ARHGAP26: variants seen among roughly 807,000 people sequenced by gnomAD.
The protein encoded by ARHGAP26 is rho GTPase-activating protein 26.
A neutral mutation model predicts 104.8 loss-of-function variants in ARHGAP26; 38 were observed. That is an observed-to-expected ratio of 0.36 (90% CI 0.28 to 0.48). The LOEUF (loss-of-function observed/expected upper bound fraction) is 0.48, where lower values mean the gene tolerates loss of function less well. ARHGAP26 is among the 20% of genes least tolerant of loss of function. ARHGAP26 has a pLI of 0.99. For missense variants in ARHGAP26, 704 were observed against 947.9 expected (o/e 0.74, Z 3.38); for synonymous variants, 341 against 340.0 (o/e 1.00, Z -0.03).
chr5:142,778,801 C>T (rs1486222061), intron 1 of ARHGAP26, among the ~76,000 whole-genome samples: 1 of 152,168 alleles, frequency 6.6e-6, no homozygotes, highest in African/African-American at 2.4e-5. Context: ...TCCTTTGCAT[C>T]CTTGTAGCCG....
chr5:143,124,600 TC>T (rs1307590605), intron 18 of ARHGAP26, among the ~76,000 whole-genome samples: 2 of 152,162 alleles, frequency 1.3e-5, no homozygotes, highest in Non-Finnish European at 2.9e-5. Flanking sequence ...CCAGGTGCTG[TC>T]CCATCATTCA....
intron 20 of ARHGAP26, among the ~76,000 whole-genome samples, chr5:143,167,542 A>G (rs1449249705): frequency 6.8e-6 from 1 of 147,840 alleles, no homozygotes; most frequent in Non-Finnish European, 1.5e-5. Context: ...TGTAATAAGA[A>G]TAGGGGCGCT....
At chr5:143,080,862 G>A (rs1055664777) in intron 17 of ARHGAP26, among the ~76,000 whole-genome samples, 1 of 152,120 alleles carries the variant, frequency 6.6e-6, no homozygotes, top group Non-Finnish European at 1.5e-5. Context: ...GTGTGGTGTT[G>A]GGGAGGCTGA....
intron 1 of ARHGAP26, among the ~76,000 whole-genome samples, chr5:142,849,935 G>A (rs1265913325): frequency 1.3e-5 from 2 of 152,102 alleles, no homozygotes; most frequent in African/African-American, 4.8e-5. Context: ...CCCCACGGGT[G>A]TTCTTCTGCA....
At chr5:143,171,142 A>G (rs1802712244) in intron 20 of ARHGAP26, among the ~76,000 whole-genome samples, 1 of 152,244 alleles carries the variant, frequency 6.6e-6, no homozygotes, top group African/African-American at 2.4e-5. Flanking sequence ...TTTATTGACC[A>G]TCTGCTGTTG....
At chr5:142,879,788 A>G (rs1756685681) in intron 4 of ARHGAP26, among the ~76,000 whole-genome samples, 1 of 152,216 alleles carries the variant, frequency 6.6e-6, no homozygotes, top group African/African-American at 2.4e-5. Context: ...ATTGAACAAT[A>G]CATTTGTTTT....
chr5:143,125,746 A>G (rs1796653726), intron 18 of ARHGAP26, among the ~76,000 whole-genome samples: 1 of 152,254 alleles, frequency 6.6e-6, no homozygotes, highest in Non-Finnish European at 1.5e-5. Context: ...TGATAGTAAT[A>G]GCTAACTTTT....
intron 11 of ARHGAP26, among the ~76,000 whole-genome samples, chr5:142,963,198 A>ATGTGTGTGTGTGTGTGTGTG (rs1217350223): frequency 3.5e-4 from 34 of 98,292 alleles, no homozygotes; most frequent in East Asian, 1.9e-3. Context: ...ATATATATAT[A>ATGTGTGTGTGTGTGTGTGTG]TGTGTGTGTG....
intron 11 of ARHGAP26, among the ~76,000 whole-genome samples, chr5:143,004,147 T>G (rs1777609721): frequency 6.6e-6 from 1 of 152,092 alleles, no homozygotes; most frequent in Non-Finnish European, 1.5e-5. Flanking sequence ...AGTGTATAAG[T>G]GGTTGAGGTA....
intron 11 of ARHGAP26, among the ~76,000 whole-genome samples, chr5:142,987,257 A>G (rs1028205662): frequency 1.3e-5 from 2 of 152,156 alleles, no homozygotes; most frequent in Non-Finnish European, 2.9e-5. Context: ...CTTTGAAGCA[A>G]TTGTGAATGG....
At chr5:143,143,987 A>C (rs1281767707) in intron 19 of ARHGAP26, among the ~76,000 whole-genome samples, 1 of 152,172 alleles carries the variant, frequency 6.6e-6, no homozygotes, top group Non-Finnish European at 1.5e-5. Flanking sequence ...CTGTTGACAA[A>C]CATGTTTGAG....
intron 17 of ARHGAP26, among the ~76,000 whole-genome samples, chr5:143,093,609 C>G (rs1040079415): frequency 6.6e-6 from 1 of 151,358 alleles, no homozygotes; most frequent in Non-Finnish European, 1.5e-5. Flanking sequence ...TCTTTGACTC[C>G]ATCTTTGTCT....
intron 1 of ARHGAP26, among the ~76,000 whole-genome samples, chr5:142,775,462 G>A (rs773361952): frequency 6.6e-6 from 1 of 151,904 alleles, no homozygotes; most frequent in South Asian, 2.1e-4. Context: ...TCTCTTTGTC[G>A]AGGTTTGTTT....
At chr5:143,097,853 C>T (rs764720678) in intron 17 of ARHGAP26, among the ~76,000 whole-genome samples, 3 of 151,250 alleles carry the variant, frequency 2.0e-5, no homozygotes, top group East Asian at 1.9e-4. Flanking sequence ...TTACCCCACG[C>T]AACCTACTGA....
chr5:142,935,902 G>C (rs1765339821), intron 11 of ARHGAP26, among the ~76,000 whole-genome samples: 1 of 152,074 alleles, frequency 6.6e-6, no homozygotes, highest in South Asian at 2.1e-4. Flanking sequence ...ATCATAATTA[G>C]GGTAAAAGAC....
intron 1 of ARHGAP26, among the ~76,000 whole-genome samples, chr5:142,776,322 T>G (rs1395753584): frequency 6.6e-6 from 1 of 152,194 alleles, no homozygotes; most frequent in Non-Finnish European, 1.5e-5. Context: ...TACAGAGTTA[T>G]GCAACCATCA....
chr5:142,780,636 C>A (rs901082000), intron 1 of ARHGAP26, among the ~76,000 whole-genome samples: 3 of 152,184 alleles, frequency 2.0e-5, no homozygotes, highest in African/African-American at 4.8e-5. Context: ...GACAGCTGTA[C>A]CTAGAAATCA....
At chr5:143,158,307 A>T (rs1800754381) in intron 20 of ARHGAP26, among the ~76,000 whole-genome samples, 1 of 152,234 alleles carries the variant, frequency 6.6e-6, no homozygotes, top group African/African-American at 2.4e-5. Context: ...AACTATAAAT[A>T]ATAAAATACA....
intron 1 of ARHGAP26, among the ~76,000 whole-genome samples, chr5:142,814,602 C>A (rs934156658): frequency 6.6e-6 from 1 of 152,156 alleles, no homozygotes; most frequent in Non-Finnish European, 1.5e-5. Context: ...GTGAGATAAA[C>A]AAGTAAATAA....
Sources: gnomAD v4.1 joint callset for allele counts (sites outside exome capture counted in the v4.1 genomes callset) on GRCh38, gnomAD v4.1.1 for gene constraint, MANE v1.5 for transcripts, NCBI Gene and HGNC (gene_info 2026-07-23, HGNC 2026-07-21) for gene names.